Variants in RASGRF2 observed in about 807,000 individuals in gnomAD.
RASGRF2 encodes the protein ras-specific guanine nucleotide-releasing factor 2.
A neutral mutation model predicts 151.0 loss-of-function variants in RASGRF2; 76 were observed. The ratio of observed to expected loss-of-function variants is 0.50; its 90% CI spans 0.42 to 0.61. The LOEUF (loss-of-function observed/expected upper bound fraction) is 0.61, where lower values mean the gene tolerates loss of function less well. RASGRF2 is among the 20% of genes least tolerant of loss of function. The pLI, the probability that RASGRF2 is intolerant of heterozygous loss-of-function variation, is 0.00. For synonymous variants in RASGRF2, 504 were observed against 566.5 expected (o/e 0.89, Z 1.57); for missense variants, 1,148 against 1,564.6 (o/e 0.73, Z 4.49).
At chr5:81,028,358 C>CAAATCATAAATTTTAATTTGCATTTA (rs1750113604) in intron 1 of RASGRF2, among the ~76,000 whole-genome samples, 11 of 32,302 alleles carry the variant, frequency 3.4e-4, no homozygotes, top group Non-Finnish European at 3.5e-4. Context: ...ATTTGCATTT[C>CAAATCATAAATTTTAATTTGCATTTA]ACTGAGAAAA....
intron 17 of RASGRF2, among the ~76,000 whole-genome samples, chr5:81,175,687 G>A (rs1439766292): frequency 6.6e-6 from 1 of 150,888 alleles, no homozygotes; most frequent in African/African-American, 2.4e-5. Flanking sequence ...ACTGGGAGGT[G>A]GAGGTTGCAG....
chr5:81,075,989 G>A (rs868142400), intron 5 of RASGRF2, among the ~76,000 whole-genome samples: 5 of 152,188 alleles, frequency 3.3e-5, no homozygotes, highest in Non-Finnish European at 2.9e-5. Flanking sequence ...GATCCTTTGA[G>A]TTGTCAATGA....
rs1756045484 is a variant in RASGRF2, at chr5:81,228,432, G to T, written c.*2662G>T. On this transcript the variant is annotated 3_prime_UTR_variant, in exon 27 of 27. Coordinates refer to ENST00000265080, the MANE Select transcript of RASGRF2 (RefSeq NM_006909.3). ...AGAGCAATTTGCAGTGTTTTTTCTGGTCGTTAAAGTACCCATCCTCTTCTG... is the reference window on the plus strand; with the variant it reads ...AGAGCAATTTGCAGTGTTTTTTCTGTTCGTTAAAGTACCCATCCTCTTCTG... 1 of 152,088 alleles carries T rather than the reference G, an allele frequency of 6.6e-6. No homozygotes were observed. The highest frequency in any genetic ancestry group is 1.5e-5 in the Non-Finnish European group (1 of 68,018). 9.4% of individuals were successfully genotyped at this position (152,088 alleles called of 1,614,324 possible).
At position 81,022,848 on chromosome 5, in the gene RASGRF2, A is replaced by G. The variant is rs565552762; in HGVS notation, c.289-20029A>G. On this transcript the variant is annotated intron_variant, in intron 1 of 26. Coordinates refer to ENST00000265080, the MANE Select transcript of RASGRF2 (RefSeq NM_006909.3). ...GATTGGAAAGTGTTTCACCGCTGTG[A>G]CATCTGCTATCCCAGTGACAAAGGG... Among the ~76,000 whole-genome samples, 7 of 152,288 alleles carry G rather than the reference A, an allele frequency of 4.6e-5. No homozygotes were observed. The East Asian group carries it at 1.4e-3, about 29-fold the overall frequency.
intron 13 of RASGRF2, 135 bp downstream of exon 13, chr5:81,109,213 A>AT: frequency 1.4e-6 from 2 of 1,389,112 alleles, no homozygotes; most frequent in Non-Finnish European, 1.9e-6. Context: ...GAATGCAGTG[A>AT]TTCATATGAT....
At chr5:81,141,817 T>C (rs1320040651) in intron 17 of RASGRF2, among the ~76,000 whole-genome samples, 1 of 152,222 alleles carries the variant, frequency 6.6e-6, no homozygotes, top group East Asian at 1.9e-4. Flanking sequence ...TTGAAGGATC[T>C]GTGATTTCAT....
intron 17 of RASGRF2, among the ~76,000 whole-genome samples, chr5:81,151,228 G>A (rs1580361270): frequency 6.6e-6 from 1 of 152,190 alleles, no homozygotes; most frequent in Admixed American, 6.5e-5. Flanking sequence ...GGCCTCTGGA[G>A]AGGCATCCCC....
At chr5:81,026,166 TCCTCC>T (rs1750022848) in intron 1 of RASGRF2, among the ~76,000 whole-genome samples, 2 of 38,974 alleles carry the variant, frequency 5.1e-5, no homozygotes, top group Non-Finnish European at 1.5e-4. Flanking sequence ...CTCCCTCTCT[TCCTCC>T]CTTCCTCCCT....
intron 15 of RASGRF2, among the ~76,000 whole-genome samples, chr5:81,116,024 A>G (rs1190767498): frequency 6.7e-6 from 1 of 149,046 alleles, no homozygotes; most frequent in Non-Finnish European, 1.5e-5. Flanking sequence ...GAGAATATAT[A>G]AGTAAAGGTG....
At chr5:81,007,789 A>G (rs1290422934) in intron 1 of RASGRF2, among the ~76,000 whole-genome samples, 4 of 152,128 alleles carry the variant, frequency 2.6e-5, no homozygotes, top group Admixed American at 2.6e-4. Flanking sequence ...TCTTCAAAGG[A>G]GTGACCTCAT....
chr5:81,057,654 T>A (rs1751268593), intron 2 of RASGRF2, among the ~76,000 whole-genome samples: 1 of 152,144 alleles, frequency 6.6e-6, no homozygotes, highest in African/African-American at 2.4e-5. Flanking sequence ...AATTAGCATA[T>A]TAATCAGCTT....
chr5:81,112,662 C>T lies in RASGRF2; in HGVS notation c.1891C>T (p.Leu631Phe). Residue 631 changes from leucine to phenylalanine, a missense_variant, in exon 14 of 27, where the codon CTC (leucine) becomes TTC (phenylalanine). Leu to Phe is a conservative substitution (Grantham distance 22). This residue lies in a region of RASGRF2 where 646 missense variants were observed against 807.4 expected (regional missense o/e 0.80). Transcript: ENST00000265080. ...DDTDICFSKT[L>F]NSCKVPQIRY... ...CACTGACATTTGCTTCAGTAAAACACTCAACTCCTGCAAAGTGCCCCAGAT... is the reference window on the plus strand; with the variant it reads ...CACTGACATTTGCTTCAGTAAAACATTCAACTCCTGCAAAGTGCCCCAGAT... 5 of 1,614,234 alleles carry T rather than the reference C, an allele frequency of 3.1e-6. No individual in the cohort carries two copies. Among genetic ancestry groups the T allele is most frequent in the Non-Finnish European group, 4.2e-6 (5 of 1,180,034 alleles).
At chr5:81,017,472 T>C (rs934394872) in intron 1 of RASGRF2, among the ~76,000 whole-genome samples, 2 of 152,216 alleles carry the variant, frequency 1.3e-5, no homozygotes, top group African/African-American at 4.8e-5. Context: ...AATGTGCCCA[T>C]GGCAAGGCCT....
chr5:81,087,155 T>A (rs1041645016), intron 9 of RASGRF2: 1 of 704,088 alleles, frequency 1.4e-6, no homozygotes, highest in Non-Finnish European at 2.6e-6. Flanking sequence ...AACACAATCA[T>A]AGTAAAGCAC....
Position 80,997,693 on chromosome 5 carries a change from G to A in RASGRF2, c.288+36667G>A, listed in dbSNP as rs183327814. On this transcript the variant is annotated intron_variant, in intron 1 of 26. Transcript: ENST00000265080. ...ATATTTATTTTTAAAGTTGTTGCCG[G>A]GCGTGGTGGCTCAAGCCTGTAATCC... is the stretch of plus-strand genomic sequence containing the variant. 4 of 152,234 alleles carry A rather than the reference G, an allele frequency of 2.6e-5. No homozygotes were observed. The East Asian group carries it at 7.7e-4, about 29-fold the overall frequency. The allele number at this position is 152,234 out of a possible 1,614,324, so 9.4% of individuals were successfully genotyped here. A position where few individuals can be genotyped will look rare whatever the true frequency, so the allele number is the denominator to read the frequency against.
intron 1 of RASGRF2, among the ~76,000 whole-genome samples, chr5:81,016,439 AG>A (rs1749639715): frequency 6.6e-6 from 1 of 152,188 alleles, no homozygotes. Flanking sequence ...AAATTCTCTT[AG>A]GCATTCTTAA....
intron 15 of RASGRF2, among the ~76,000 whole-genome samples, chr5:81,116,535 C>T (rs962351833): frequency 1.3e-5 from 2 of 152,100 alleles, no homozygotes; most frequent in Admixed American, 1.3e-4. Context: ...AAAACAACAA[C>T]TCTCCTAGAG....
At chr5:81,209,929 C>G (rs578131190) in intron 22 of RASGRF2, among the ~76,000 whole-genome samples, 4 of 152,182 alleles carry the variant, frequency 2.6e-5, no homozygotes, top group Admixed American at 6.5e-5. Flanking sequence ...AGGATCTAGA[C>G]GTCATCTTCT....
chr5:81,140,423 C>A (rs1458734504), intron 17 of RASGRF2, among the ~76,000 whole-genome samples: 1 of 151,660 alleles, frequency 6.6e-6, no homozygotes, highest in Non-Finnish European at 1.5e-5. Flanking sequence ...CACACACACA[C>A]ACACACACAC....
Sources: allele counts gnomAD v4.1 joint callset (sites outside exome capture counted in the v4.1 genomes callset), GRCh38; gene constraint gnomAD v4.1.1; regional missense constraint gnomAD v4.1.1; transcripts MANE v1.5; gene names NCBI Gene and HGNC (gene_info 2026-07-23, HGNC 2026-07-21).